Variants in MYH16 observed in about 807,000 individuals in gnomAD.
MYH16 encodes putative uncharacterized protein MYH16.
intron 28 of MYH16, chr7:99,286,641 G>T (rs1792282162): frequency 6.6e-6 from 1 of 152,172 alleles, no homozygotes; most frequent in Admixed American, 6.6e-5. Context: ...TCCTGAGATG[G>T]ACTTGAGGAG....
At chr7:99,307,922 G>A (rs1792704376), downstream of MYH16, among the ~76,000 whole-genome samples, 1 of 151,794 alleles carries the variant, frequency 6.6e-6, no homozygotes, top group African/African-American at 2.4e-5. Flanking sequence ...CACCATGTTG[G>A]CCAGGATGGT....
chr7:99,249,892 A>G (rs1791789874), intron 4 of MYH16: 1 of 152,578 alleles, frequency 6.6e-6, no homozygotes, highest in African/African-American at 2.4e-5. Context: ...GGGTCTCACC[A>G]TGTTGGCCAG....
At chr7:99,294,786 G>A (rs140126925) in intron 33 of MYH16, among the ~76,000 whole-genome samples, 5,666 of 151,844 alleles carry the variant, frequency 0.037, 354 homozygotes, top group African/African-American at 0.13. Context: ...GGCTGGTCTC[G>A]AACTCCTGAC....
chr7:99,297,949 A>G, exon 36 of MYH16: 1 of 456,718 alleles, frequency 2.2e-6, no homozygotes, highest in South Asian at 1.5e-5. Flanking sequence ...TAAAGCTGAC[A>G]TCGACCGAAG....
intron 28 of MYH16, among the ~76,000 whole-genome samples, chr7:99,287,398 G>C (rs948693825): frequency 6.6e-6 from 1 of 151,986 alleles, no homozygotes; most frequent in Admixed American, 6.6e-5. Context: ...GCTGGGCATG[G>C]TGGTGGGCAC....
At chr7:99,307,085 G>A (rs1390900825), downstream of MYH16, among the ~76,000 whole-genome samples, 1 of 152,124 alleles carries the variant, frequency 6.6e-6, no homozygotes, top group South Asian at 2.1e-4. Flanking sequence ...GGTGCTGGCC[G>A]ACCTGATGTT....
chr7:99,271,813 C>T (rs771720663), intron 19 of MYH16, among the ~76,000 whole-genome samples: 4 of 152,134 alleles, frequency 2.6e-5, no homozygotes, highest in Admixed American at 6.6e-5. Context: ...GATACTCCCA[C>T]CTCAGCCTCC....
intron 32 of MYH16, among the ~76,000 whole-genome samples, chr7:99,293,128 G>A (rs766835012): frequency 2.6e-5 from 4 of 152,100 alleles, no homozygotes; most frequent in Non-Finnish European, 4.4e-5. Context: ...GCAGCAGAGG[G>A]GATCCATGAC....
chr7:99,271,740 C>T (rs1273918597), intron 19 of MYH16, among the ~76,000 whole-genome samples: 1 of 152,134 alleles, frequency 6.6e-6, no homozygotes, highest in East Asian at 1.9e-4. Flanking sequence ...TGCTCTGTAG[C>T]CCAGGCTGGA....
intron 13 of MYH16, among the ~76,000 whole-genome samples, chr7:99,262,431 G>A (rs12536456): frequency 6.6e-6 from 1 of 152,242 alleles, no homozygotes; most frequent in South Asian, 2.1e-4. Context: ...GCAAACAGCA[G>A]GCTTGGGACC....
intron 18 of MYH16, among the ~76,000 whole-genome samples, chr7:99,268,570 A>G (rs1048292703): frequency 1.3e-5 from 2 of 152,184 alleles, no homozygotes; most frequent in Admixed American, 6.5e-5. Flanking sequence ...GTTCCAGGGG[A>G]AGGCCCAGGG....
intron 20 of MYH16, among the ~76,000 whole-genome samples, chr7:99,275,414 C>T (rs2150817650): frequency 6.6e-6 from 1 of 152,328 alleles, no homozygotes; most frequent in East Asian, 1.9e-4. Context: ...GCCACTGTGC[C>T]CAGCCACAAC....
chr7:99,271,539 A>T (rs941463599), intron 19 of MYH16, among the ~76,000 whole-genome samples: 6 of 151,330 alleles, frequency 4.0e-5, no homozygotes, highest in Non-Finnish European at 8.8e-5. Context: ...TGTCTCTCAG[A>T]GCTGCCGCAA....
intron 3 of MYH16, among the ~76,000 whole-genome samples, chr7:99,248,324 A>T (rs1047270505): frequency 6.6e-6 from 1 of 151,618 alleles, no homozygotes; most frequent in Non-Finnish European, 1.5e-5. Flanking sequence ...CTGGTCCTGA[A>T]CTCCTGACAT....
intron 4 of MYH16, among the ~76,000 whole-genome samples, chr7:99,249,209 C>T (rs557605449): frequency 6.6e-6 from 1 of 152,256 alleles, no homozygotes; most frequent in African/African-American, 2.4e-5. Flanking sequence ...GACCTCCCCA[C>T]CTGCCTGTCT....
At chr7:99,270,640 G>A (rs952876963) in intron 18 of MYH16, among the ~76,000 whole-genome samples, 1 of 151,606 alleles carries the variant, frequency 6.6e-6, no homozygotes, top group Admixed American at 6.6e-5. Context: ...TTAATTAGCT[G>A]GACATGGTGG....
At chr7:99,307,333 G>C (rs1275561125), downstream of MYH16, among the ~76,000 whole-genome samples, 1 of 152,186 alleles carries the variant, frequency 6.6e-6, no homozygotes, top group Non-Finnish European at 1.5e-5. Context: ...TGAACACTGA[G>C]TGCAGGTGGG....
chr7:99,257,410 G>T, exon 10 of MYH16: 1 of 164,764 alleles, frequency 6.1e-6, no homozygotes, highest in South Asian at 1.7e-4. Flanking sequence ...GAAGCCCAGA[G>T]ACGAGCAAGC....
chr7:99,254,262 A>G (rs1791847939), intron 8 of MYH16: 1 of 152,094 alleles, frequency 6.6e-6, no homozygotes, highest in Non-Finnish European at 1.5e-5. Flanking sequence ...AAAAAAAAAG[A>G]AAAGAAAAGA....
Sources: gnomAD v4.1 joint callset for allele counts (sites outside exome capture counted in the v4.1 genomes callset) on GRCh38, gnomAD v4.1.1 for gene constraint, MANE v1.5 for transcripts, NCBI Gene and HGNC (gene_info 2026-07-23, HGNC 2026-07-21) for gene names.